The following PLEKHG5 variants were observed in gnomAD, a reference collection of about 807,000 sequenced individuals.
The protein encoded by PLEKHG5 is pleckstrin homology and RhoGEF domain containing G5.
Under a neutral mutation model 103.8 loss-of-function variants are expected in PLEKHG5, and 52 were observed. The ratio of observed to expected loss-of-function variants is 0.50; its 90% confidence interval spans 0.40 to 0.63. The LOEUF (loss-of-function observed/expected upper bound fraction) is 0.63, where lower values mean the gene tolerates loss of function less well. Ranked by LOEUF, PLEKHG5 falls within the 30% of genes least tolerant of loss-of-function variation. PLEKHG5 has a pLI of 0.00. For missense variants in PLEKHG5, 1,205 were observed against 1,347.6 expected, an observed-to-expected ratio of 0.89 and a Z score of 1.66; for synonymous variants, 592 against 575.5, an observed-to-expected ratio of 1.03 and a Z score of -0.41.
In PLEKHG5 at chr1:6,473,059, T is replaced by C; in HGVS notation, c.911A>G (p.Asp304Gly). 2 of 1,613,934 alleles carry C rather than the reference T, an allele frequency of 1.2e-6. No individual in the cohort carries two copies. The highest frequency in any genetic ancestry group is 1.7e-6 in the Non-Finnish European group (2 of 1,179,892). ...FDHDSWEEEY[D>G]EDEDEDNACL... ...GGCATTGTCCTCATCCTCGTCTTCA[T>C]CGTACTCCTCCTCCCAGGAGTCATG... The change falls in exon 9 of 21, where the codon GAT becomes GGT. Residue 304 changes from aspartate to glycine, a missense_variant. Asp to Gly is a moderately conservative substitution (Grantham distance 94, BLOSUM62 -1). Coordinates refer to ENST00000377728, the MANE Select transcript of PLEKHG5 (RefSeq NM_020631.6).
intron 1 of PLEKHG5, among the ~76,000 whole-genome samples, chr1:6,504,662 C>T (rs1034802084): frequency 2.0e-5 from 3 of 151,762 alleles, no homozygotes; most frequent in Non-Finnish European, 4.4e-5. Flanking sequence ...CTACACCTCC[C>T]GGGTTCACGC....
At chr1:6,470,146 G>A (rs1301121996) in intron 16 of PLEKHG5, 90 bp downstream of exon 16, 3 of 1,417,972 alleles carry the variant, frequency 2.1e-6, no homozygotes, top group East Asian at 4.6e-5. Context: ...AGTAACCACC[G>A]AAGGGACTGC....
intron 1 of PLEKHG5, chr1:6,506,124 T>A (rs1301984752): frequency 6.6e-6 from 1 of 152,642 alleles, no homozygotes; most frequent in East Asian, 1.9e-4. Context: ...GGCCTCCAGC[T>A]CGTAGGTGCC....
rs1215451668 is a variant in PLEKHG5 at position 6,471,111 on chromosome 1, G to A, written c.1282-11C>T. ...GAAGAGCGAGCCGAACTGGCCCGGG[G>A]CAGAACAACCACGGCGCCGGTTACC... On this transcript the variant is annotated splice_polypyrimidine_tract_variant and intron_variant, in intron 12 of 20. Coordinates refer to ENST00000377728, the MANE Select transcript of PLEKHG5 (RefSeq NM_020631.6). 3 of 1,567,626 alleles carry A rather than the reference G, an allele frequency of 1.9e-6. No homozygotes were observed. Among genetic ancestry groups the A allele is most frequent in the East Asian group, 2.4e-5 (1 of 41,788 alleles).
intron 5 of PLEKHG5, 137 bp downstream of exon 5, chr1:6,474,910 C>T: frequency 1.3e-6 from 1 of 770,214 alleles, no homozygotes; most frequent in Non-Finnish European, 2.4e-6. Flanking sequence ...CAGCACGGGT[C>T]TGCCCACGCA....
intron 1 of PLEKHG5, among the ~76,000 whole-genome samples, chr1:6,511,897 A>C (rs1570005443): frequency 6.6e-6 from 1 of 152,328 alleles, no homozygotes; most frequent in Non-Finnish European, 1.5e-5. Flanking sequence ...GGCCCTTGGA[A>C]GCCGGGGAGC....
chr1:6,490,670 A>C lies in PLEKHG5; in HGVS notation c.-88+967T>G. The C allele has an allele frequency of 2.2e-6, 2 of 926,196 alleles. No homozygotes were observed. Among genetic ancestry groups the C allele is most frequent in the Non-Finnish European group, 2.6e-6 (2 of 776,458 alleles). 57.4% of individuals were successfully genotyped at this position (926,196 alleles called of 1,614,324 possible). A position where few individuals can be genotyped will look rare whatever the true frequency, so the allele number is the denominator to read the frequency against. ...GTACCAACGGCGCCGCCCGGCTGGG[A>C]CCGGGGAGAGGAGGGGTCCCAGGAA... On this transcript the variant is annotated intron_variant, in intron 1 of 20. Transcript: ENST00000377728. This position sits in a 1 kb window ranked among gnomAD's most constrained non-coding sequence, Gnocchi z 8.0.
chr1:6,472,434 A>C (rs1220499824), intron 10 of PLEKHG5, 93 bp downstream of exon 10: 1 of 923,488 alleles, frequency 1.1e-6, no homozygotes, highest in Admixed American at 1.9e-5. Flanking sequence ...ATTGCCAGGC[A>C]CCTGCTCCTT....
intron 1 of PLEKHG5, among the ~76,000 whole-genome samples, chr1:6,503,934 T>C (rs772433860): frequency 3.3e-5 from 5 of 152,074 alleles, no homozygotes. Flanking sequence ...GACTGAGATG[T>C]ACAGAACAAC....
At chr1:6,468,835 G>A (rs1295018020) in intron 19 of PLEKHG5, among the ~76,000 whole-genome samples, 2 of 152,182 alleles carry the variant, frequency 1.3e-5, no homozygotes, top group Non-Finnish European at 2.9e-5. Context: ...AGCACCCCAG[G>A]CAGCTACCAC....
At chr1:6,515,911 G>T (rs1186378909) in intron 1 of PLEKHG5, among the ~76,000 whole-genome samples, 1 of 152,168 alleles carries the variant, frequency 6.6e-6, no homozygotes, top group Non-Finnish European at 1.5e-5. Flanking sequence ...GACTAGTCAT[G>T]CCCCTCATAT....
chr1:6,468,770 C>T (rs909385274), intron 19 of PLEKHG5, among the ~76,000 whole-genome samples, 184 bp from the exon 20 acceptor site: 4 of 152,174 alleles, frequency 2.6e-5, no homozygotes, highest in Admixed American at 6.5e-5. Flanking sequence ...ACCTCAGTAG[C>T]GAGCCCAGCA....
intron 20 of PLEKHG5, 88 bp downstream of exon 20, chr1:6,467,737 C>T: frequency 6.5e-7 from 1 of 1,543,586 alleles, no homozygotes; most frequent in South Asian, 1.1e-5. Flanking sequence ...CCGCCATGAC[C>T]CTCCCCAAAT....
intron 1 of PLEKHG5, among the ~76,000 whole-genome samples, chr1:6,483,674 T>A (rs1368475749): frequency 6.6e-6 from 1 of 152,006 alleles, no homozygotes; most frequent in Non-Finnish European, 1.5e-5. Context: ...CAGAAAAAAA[T>A]TTAAAAACTA....
rs1049304808 is a variant in PLEKHG5 at position 6,481,253 on chromosome 1, C to T, written c.-87-3595G>A. 4.8e-4 allele frequency among the ~76,000 whole-genome samples: 73 copies of T among 152,088 alleles called. 1 individual carries two copies. The highest frequency in any genetic ancestry group is 1.5e-4 in the Non-Finnish European group (10 of 68,022). On this transcript the variant is annotated intron_variant, in intron 1 of 20. Transcript: ENST00000377728. ...ACTCTGAATAAAAGCCAAAAGGGGC[C>T]AGGAGCAGTGGCTATGCCTGTAATC...
intron 5 of PLEKHG5, 131 bp downstream of exon 5, chr1:6,474,916 A>G (rs1569881416): frequency 9.0e-6 from 7 of 779,950 alleles, no homozygotes; most frequent in Non-Finnish European, 1.6e-5. Flanking sequence ...GGGTCTGCCC[A>G]CGCAGGGATG....
upstream of PLEKHG5, among the ~76,000 whole-genome samples, chr1:6,499,377 T>C (rs75286796): frequency 7.7e-3 from 1,166 of 152,310 alleles, 15 homozygotes; most frequent in African/African-American, 0.027. Flanking sequence ...GGGGTCTACC[T>C]GCCTGAACTC....
chr1:6,470,457 G>A (rs372852387), intron 15 of PLEKHG5, 49 bp downstream of exon 15: 6 of 1,611,232 alleles, frequency 3.7e-6, no homozygotes, highest in Middle Eastern at 1.7e-4. Flanking sequence ...CCTGCCAGCT[G>A]GGCCTTCCTC....
chr1:6,474,670 C>T (rs1195646457), intron 5 of PLEKHG5, 83 bp from the exon 6 acceptor site: 7 of 1,389,780 alleles, frequency 5.0e-6, no homozygotes, highest in African/African-American at 4.3e-5. Flanking sequence ...GAGCCCCCGC[C>T]CCACCCACAG....
Sources: allele counts gnomAD v4.1 joint callset (sites outside exome capture counted in the v4.1 genomes callset), GRCh38; gene constraint gnomAD v4.1.1; non-coding constraint Gnocchi (gnomAD v3.1); transcripts MANE v1.5; gene names NCBI Gene and HGNC (gene_info 2026-07-23, HGNC 2026-07-21).